Variants in SPATS1 observed in about 807,000 individuals in gnomAD.
SPATS1 encodes the protein spermatogenesis associated serine rich 1, also known as spermatogenesis-associated serine-rich protein 1.
SPATS1 carries 23 observed loss-of-function variants against 33.6 expected under a neutral mutation model. That is an observed-to-expected ratio of 0.68 (90% CI 0.49 to 0.97). The LOEUF is 0.97. SPATS1 is among the 50% of genes least tolerant of loss of function. The pLI, the probability that SPATS1 is intolerant of heterozygous loss-of-function variation, is 0.00. For missense variants in SPATS1, 327 were observed against 361.0 expected (o/e 0.91, Z 0.76); for synonymous variants, 131 against 125.6 (o/e 1.04, Z -0.29).
intron 4 of SPATS1, 189 bp from the exon 5 acceptor site, chr6:44,361,642 A>T: frequency 1.3e-6 from 1 of 752,866 alleles, no homozygotes; most frequent in Non-Finnish European, 1.6e-6. Flanking sequence ...CTCTCCCCTG[A>T]CTTCCCTTCC....
chr6:44,364,256 A>G (rs1789107639), intron 5 of SPATS1, among the ~76,000 whole-genome samples: 1 of 152,236 alleles, frequency 6.6e-6, no homozygotes, highest in African/African-American at 2.4e-5. Context: ...TAATTCCTTA[A>G]TATAGTCAGT....
intron 7 of SPATS1, among the ~76,000 whole-genome samples, chr6:44,370,773 T>C (rs1340443554): frequency 6.6e-6 from 1 of 152,168 alleles, no homozygotes; most frequent in African/African-American, 2.4e-5. Flanking sequence ...TGTTGCATTG[T>C]TACTTATGGC....
rs564784917 is a variant in SPATS1, at chr6:44,352,199, C to T, written c.140-527C>T. ...AGGCTGGAGTGCAGTCATGTGATCT[C>T]GGCTCACTGCAACCTCTGCCTCCTG... On this transcript the variant is annotated intron_variant, in intron 2 of 8. Transcript: ENST00000674044. Among the ~76,000 whole-genome samples, 180 of 152,152 alleles carry T rather than the reference C, an allele frequency of 1.2e-3. 1 individual carries two copies. The highest frequency in any genetic ancestry group is 1.8e-3 in the Admixed American group (27 of 15,270).
intron 3 of SPATS1, among the ~76,000 whole-genome samples, chr6:44,355,526 A>G (rs561388100): frequency 1.3e-5 from 2 of 152,252 alleles, no homozygotes; most frequent in Non-Finnish European, 2.9e-5. Flanking sequence ...GTGTCAGATG[A>G]ATAGACCACA....
At chr6:44,355,898 G>C (rs941367645) in intron 3 of SPATS1, among the ~76,000 whole-genome samples, 2 of 152,252 alleles carry the variant, frequency 1.3e-5, no homozygotes, top group East Asian at 3.9e-4. Flanking sequence ...ATGGGGAACT[G>C]CGTGATTGCT....
intron 1 of SPATS1, 56 bp downstream of exon 1, chr6:44,342,824 A>C: frequency 9.8e-7 from 1 of 1,019,568 alleles, no homozygotes; most frequent in Non-Finnish European, 1.4e-6. Context: ...GGGGGTGGGA[A>C]GACCCCGAGG....
At chr6:44,368,161 A>G (rs1227579238) in intron 5 of SPATS1, among the ~76,000 whole-genome samples, 1 of 152,264 alleles carries the variant, frequency 6.6e-6, no homozygotes, top group Non-Finnish European at 1.5e-5. Flanking sequence ...ATTCTTTTCC[A>G]GGGTGAGGTA....
chr6:44,376,895 C>T (rs1789996232), intron 8 of SPATS1, 140 bp from the exon 9 acceptor site: 6 of 881,578 alleles, frequency 6.8e-6, no homozygotes, highest in Non-Finnish European at 1.1e-5. Context: ...CAAAGTATCT[C>T]CTGGAGTGGA....
chr6:44,357,373 TTTTG>T (rs763889660), intron 3 of SPATS1, among the ~76,000 whole-genome samples: 55 of 152,136 alleles, frequency 3.6e-4, no homozygotes, highest in Middle Eastern at 3.4e-3. Flanking sequence ...CTTACCCAGT[TTTTG>T]TTTGTTTGTT....
intron 5 of SPATS1, among the ~76,000 whole-genome samples, chr6:44,367,903 C>A (rs889257884): frequency 6.6e-6 from 1 of 152,160 alleles, no homozygotes; most frequent in Non-Finnish European, 1.5e-5. Flanking sequence ...CCACCTCCCA[C>A]TGCTGCATGG....
rs139954152 is a variant in SPATS1 at position 44,343,143 on chromosome 6, C to G, written c.48C>G (p.Leu16=). 1 of 1,614,162 alleles carries G rather than the reference C, an allele frequency of 6.2e-7. No individual in the cohort carries two copies. The highest frequency in any genetic ancestry group is 2.2e-5 in the East Asian group (1 of 44,882). ...GAAACAGTCCACGGGGCTGCCGTCTCCCCTCCATCTCAAGCACGACCTGCG... is the reference window on the plus strand; with the variant it reads ...GAAACAGTCCACGGGGCTGCCGTCTGCCCTCCATCTCAAGCACGACCTGCG... ...LTGNSPRGCR[L]PSISSTTCGR... The change falls in exon 2 of 9, where the codon CTC becomes CTG. Residue 16 remains leucine, a synonymous_variant. Coordinates refer to ENST00000674044, the MANE Select transcript of SPATS1 (RefSeq NM_001372081.1).
intron 8 of SPATS1, 58 bp from the exon 9 acceptor site, chr6:44,376,977 T>C: frequency 6.3e-7 from 1 of 1,593,666 alleles, no homozygotes; most frequent in Non-Finnish European, 8.6e-7. Flanking sequence ...GTGTATTGAT[T>C]GAGAATTGTT....
intron 2 of SPATS1, among the ~76,000 whole-genome samples, chr6:44,350,157 G>T (rs1417106298): frequency 6.6e-6 from 1 of 152,176 alleles, no homozygotes; most frequent in African/African-American, 2.4e-5. Context: ...CACCTGAGGT[G>T]CTTCTTAAAT....
At chr6:44,366,926 A>G (rs1208645597) in intron 5 of SPATS1, among the ~76,000 whole-genome samples, 3 of 152,220 alleles carry the variant, frequency 2.0e-5, no homozygotes, top group African/African-American at 7.2e-5. Flanking sequence ...GGTTAAATAA[A>G]TAGCTCAAGG....
chr6:44,355,232 G>A (rs1264094881), intron 3 of SPATS1, among the ~76,000 whole-genome samples: 1 of 129,968 alleles, frequency 7.7e-6, no homozygotes, highest in Non-Finnish European at 1.6e-5. Context: ...TTCCTTTCCA[G>A]AATGACATAT....
At chr6:44,364,211 TC>T (rs896213694) in intron 5 of SPATS1, among the ~76,000 whole-genome samples, 1 of 152,184 alleles carries the variant, frequency 6.6e-6, no homozygotes, top group Non-Finnish European at 1.5e-5. Context: ...TAACCACAAT[TC>T]CATATCATAA....
At chr6:44,372,975 G>T (rs1023886847) in intron 7 of SPATS1, among the ~76,000 whole-genome samples, 3 of 152,264 alleles carry the variant, frequency 2.0e-5, no homozygotes, top group South Asian at 2.1e-4. Flanking sequence ...TAGTTGGTGG[G>T]AACTAAAATG....
intron 3 of SPATS1, among the ~76,000 whole-genome samples, chr6:44,357,494 C>A (rs989237561): frequency 1.2e-4 from 18 of 152,168 alleles, no homozygotes; most frequent in African/African-American, 4.3e-4. Context: ...GTGATTCCCC[C>A]TCCTCAGCTC....
chr6:44,368,311 A>G (rs959676040), intron 5 of SPATS1, 68 bp from the exon 6 acceptor site: 2 of 1,527,886 alleles, frequency 1.3e-6, no homozygotes, highest in Non-Finnish European at 1.8e-6. Context: ...TGTCATGCCA[A>G]TACTTACAGC....
Sources: allele counts gnomAD v4.1 joint callset (sites outside exome capture counted in the v4.1 genomes callset), GRCh38; gene constraint gnomAD v4.1.1; transcripts MANE v1.5; gene names NCBI Gene and HGNC (gene_info 2026-07-23, HGNC 2026-07-21).